The following CLPTM1L variants were observed in gnomAD, a reference collection of about 807,000 sequenced individuals.
CLPTM1L encodes CLPTM1 like.
A neutral mutation model predicts 70.9 loss-of-function variants in CLPTM1L; 38 were observed. The ratio of observed to expected loss-of-function variants is 0.54; its 90% CI spans 0.41 to 0.70. The LOEUF is 0.70. Ranked by LOEUF, CLPTM1L falls within the 30% of genes least tolerant of loss-of-function variation. The probability of loss-of-function intolerance (pLI) is 0.00; values close to 1 mark genes in which losing one functional copy is unlikely to be tolerated. For missense variants in CLPTM1L, 652 were observed against 705.9 expected (o/e 0.92, Z 0.87); for synonymous variants, 339 against 299.9 (o/e 1.13, Z -1.35).
Position 1,342,039 on chromosome 5 carries a change from T to TGTGTGTGTGTGTGTGC in CLPTM1L, c.264-180_264-179insGCACACACACACACAC, listed in dbSNP as rs3222913. 3.4e-5 allele frequency among the ~76,000 whole-genome samples: 5 copies of TGTGTGTGTGTGTGTGC among 148,976 alleles called. No individual in the cohort carries two copies. Among genetic ancestry groups the TGTGTGTGTGTGTGTGC allele is most frequent in the African/African-American group, 7.6e-5 (3 of 39,664 alleles). On this transcript the variant is annotated intron_variant, in intron 2 of 16. Coordinates refer to ENST00000320895, the MANE Select transcript of CLPTM1L (RefSeq NM_030782.5). This position sits in a 1 kb window ranked among gnomAD's most constrained non-coding sequence, Gnocchi z 4.3. ...GTGTGTGTGTGTGTGTGTGTGTGTGTGCACGCGCACGCGTGCGCGTCCTGA... is the reference window on the plus strand; with the variant it reads ...GTGTGTGTGTGTGTGTGTGTGTGTGTGTGTGTGTGTGTGTGCGCACGCGCACGCGTGCGCGTCCTGA...
intron 9 of CLPTM1L, among the ~76,000 whole-genome samples, chr5:1,329,078 C>T (rs1752893313): frequency 6.6e-6 from 1 of 152,280 alleles, no homozygotes; most frequent in Non-Finnish European, 1.5e-5. Flanking sequence ...GCAGAGACCT[C>T]AGACTCCGGC....
chr5:1,334,201 A>G, intron 7 of CLPTM1L, 88 bp downstream of exon 7: 1 of 927,738 alleles, frequency 1.1e-6, no homozygotes, highest in Non-Finnish European at 1.7e-6. Flanking sequence ...CGGCGCCCAC[A>G]AACCCCAGGT....
In CLPTM1L at chr5:1,331,788, G is replaced by C. The variant is rs751793114; in HGVS notation, c.976+11C>G. 10 of 1,611,804 alleles carry C rather than the reference G, an allele frequency of 6.2e-6. No individual in the cohort carries two copies. In the East Asian group the frequency reaches 1.8e-4, roughly 29 times the overall value. On this transcript the variant is annotated intron_variant, in intron 8 of 16. Coordinates refer to ENST00000320895, the MANE Select transcript of CLPTM1L (RefSeq NM_030782.5). ...AGAGTATCTGAGCAGGGCCACGCTC[G>C]GGGGGCCTACCTGCCTTGGTGGACA... is the stretch of plus-strand genomic sequence containing the variant.
At chr5:1,330,763 C>T (rs1753037165) in intron 8 of CLPTM1L, 1 of 198,710 alleles carries the variant, frequency 5.0e-6, no homozygotes, top group Non-Finnish European at 1.0e-5. Flanking sequence ...TCCTCCCCAG[C>T]TGTACCTTAA....
chr5:1,323,354 C>T (rs930032164), intron 12 of CLPTM1L, among the ~76,000 whole-genome samples: 116 of 132,052 alleles, frequency 8.8e-4, no homozygotes, highest in Non-Finnish European at 5.1e-4. Flanking sequence ...CTGGGGGCTC[C>T]GGGATCCCTC....
chr5:1,335,248 C>A (rs1219023383), intron 5 of CLPTM1L, 74 bp from the exon 6 acceptor site: 13 of 1,177,238 alleles, frequency 1.1e-5, no homozygotes, highest in Non-Finnish European at 1.5e-5. Context: ...CCTCGCCAAC[C>A]CTGCCATCCC....
chr5:1,322,850 C>G, intron 13 of CLPTM1L, 27 bp downstream of exon 13: 1 of 1,610,822 alleles, frequency 6.2e-7, no homozygotes, highest in Non-Finnish European at 8.5e-7. Flanking sequence ...AACACTAGTA[C>G]TGAAGCAGGG....
chr5:1,334,194 C>T (rs1579644132), intron 7 of CLPTM1L, 95 bp downstream of exon 7: 12 of 823,566 alleles, frequency 1.5e-5, no homozygotes, highest in South Asian at 4.6e-5. Context: ...GGCTGGACGG[C>T]GCCCACAAAC....
At chr5:1,330,517 G>A (rs565803932) in intron 8 of CLPTM1L, 134 bp from the exon 9 acceptor site, 446 of 640,590 alleles carry the variant, frequency 7.0e-4, no homozygotes, top group Middle Eastern at 5.2e-3. Flanking sequence ...CCCAGTCCAC[G>A]TCACCCCGTT....
At chr5:1,321,918 GT>G (rs1441562438) in intron 13 of CLPTM1L, 99 bp from the exon 14 acceptor site, 1 of 1,069,834 alleles carries the variant, frequency 9.3e-7, no homozygotes, top group African/African-American at 1.6e-5. Flanking sequence ...GAGCTGCCAC[GT>G]CTATGCATAG....
chr5:1,325,140 A>G (rs1261478394), intron 10 of CLPTM1L: 6 of 412,944 alleles, frequency 1.5e-5, no homozygotes, highest in Non-Finnish European at 2.2e-5. Context: ...CACTGCTCCG[A>G]ACCAGCCGGC....
At chr5:1,323,015 C>T in intron 12 of CLPTM1L, 104 bp from the exon 13 acceptor site, 14 of 1,159,846 alleles carry the variant, frequency 1.2e-5, no homozygotes, top group Non-Finnish European at 1.7e-5. Context: ...TGAAAATACC[C>T]AGATGCTCTC....
In CLPTM1L at chr5:1,341,876, C is replaced by G; in HGVS notation, c.264-16G>C. 4 of 1,592,572 alleles carry G rather than the reference C, an allele frequency of 2.5e-6. No homozygotes were observed. The highest frequency in any genetic ancestry group is 3.4e-6 in the Non-Finnish European group (4 of 1,162,320). On this transcript the variant is annotated splice_polypyrimidine_tract_variant and intron_variant, in intron 2 of 16. Coordinates refer to ENST00000320895, the MANE Select transcript of CLPTM1L (RefSeq NM_030782.5). ...ATTAACTGTCCTGAAACAGAACAAT[C>G]ATTTCCACTACATACATATTATATT...
chr5:1,343,371 C>A (rs978748969), intron 2 of CLPTM1L, among the ~76,000 whole-genome samples: 1 of 152,154 alleles, frequency 6.6e-6, no homozygotes, highest in Non-Finnish European at 1.5e-5. Context: ...TGAGGCGGAG[C>A]TGTGTTAAGA....
Position 1,339,088 on chromosome 5 carries a change from C to T in CLPTM1L, c.454-83G>A, listed in dbSNP as rs746563096. 5.4e-6 allele frequency: 8 copies of T among 1,477,232 alleles called. No homozygotes were observed. In the African/African-American group the frequency reaches 7.0e-5, roughly 13 times the overall value. The allele number at this position is 1,477,232 out of a possible 1,614,324, so 91.5% of individuals were successfully genotyped here. A position where few individuals can be genotyped will look rare whatever the true frequency, so the allele number is the denominator to read the frequency against. On this transcript the variant is annotated intron_variant, in intron 3 of 16. Coordinates refer to ENST00000320895, the MANE Select transcript of CLPTM1L (RefSeq NM_030782.5). Reference sequence around the variant, plus strand: ...CAGGGTCAGCCCCCTAACCTGCGAACAGAACGGCCACACAGACAGGCAAAC... The same window carrying T: ...CAGGGTCAGCCCCCTAACCTGCGAATAGAACGGCCACACAGACAGGCAAAC...
At chr5:1,320,821 G>T in intron 15 of CLPTM1L, 90 bp from the exon 16 acceptor site, 3 of 670,902 alleles carry the variant, frequency 4.5e-6, no homozygotes, top group Non-Finnish European at 5.1e-6. Context: ...AACGGCTTTT[G>T]GCAGATGCTT....
At chr5:1,325,869 A>C in intron 9 of CLPTM1L, 53 bp from the exon 10 acceptor site, 2 of 1,486,662 alleles carry the variant, frequency 1.3e-6, no homozygotes, top group East Asian at 4.5e-5. Context: ...GCCAGGAGCC[A>C]CGAATGAACG....
Position 1,324,996 on chromosome 5 carries a change from C to G in CLPTM1L, c.1147-183G>C, listed in dbSNP as rs892138792. 4.9e-6 allele frequency: 3 copies of G among 614,814 alleles called. No individual in the cohort carries two copies. The African/African-American group carries it at 5.5e-5, about 11-fold the overall frequency. 38.1% of individuals were successfully genotyped at this position (614,814 alleles called of 1,614,324 possible). A position where few individuals can be genotyped will look rare whatever the true frequency, so the allele number is the denominator to read the frequency against. On this transcript the variant is annotated intron_variant, in intron 10 of 16. Coordinates refer to ENST00000320895, the MANE Select transcript of CLPTM1L (RefSeq NM_030782.5). ...GACGGGGATCCGCATGGATCCTTCC[C>G]GCCTCACCCTGGCCCTGGGTCCCAC...
At chr5:1,327,900 T>C (rs370531745) in intron 9 of CLPTM1L, among the ~76,000 whole-genome samples, 40 of 96,934 alleles carry the variant, frequency 4.1e-4, no homozygotes, top group African/African-American at 1.2e-3. Context: ...GGACATTCCA[T>C]CCAGCTCCTC....
Sources: allele counts gnomAD v4.1 joint callset (sites outside exome capture counted in the v4.1 genomes callset), GRCh38; gene constraint gnomAD v4.1.1; non-coding constraint Gnocchi (gnomAD v3.1); transcripts MANE v1.5; gene names NCBI Gene and HGNC (gene_info 2026-07-23, HGNC 2026-07-21).